Variants in NRXN3 observed in about 807,000 individuals in gnomAD.
The protein encoded by NRXN3 is neurexin III.
NRXN3 carries 32 observed loss-of-function variants against 137.6 expected under a neutral mutation model. The observed-to-expected ratio is 0.23, with a 90% CI of 0.18 to 0.31. The LOEUF (loss-of-function observed/expected upper bound fraction) is 0.31, where lower values mean the gene tolerates loss of function less well. Ranked by LOEUF, NRXN3 falls within the 10% of genes least tolerant of loss-of-function variation. The pLI, the probability that NRXN3 is intolerant of heterozygous loss-of-function variation, is 1.00. For synonymous variants in NRXN3, 798 were observed against 784.5 expected (o/e 1.02, Z -0.29); for missense variants, 1,574 against 2,062.5 (o/e 0.76, Z 4.59).
Position 78,968,325 on chromosome 14 carries a change from C to T in NRXN3, c.3121C>T (p.Gln1041Ter). Residue 1041 changes from glutamine to a stop codon, truncating the protein, a stop_gained, in exon 14 of 21, where the codon CAG becomes TAG. Transcript: ENST00000335750. LOFTEE classifies it high-confidence loss of function. The stretch of plus-strand genomic sequence containing the variant: ...CAATGATGCTCTTCATCGGAGCGGA[C>T]AGATCGAGCGTGGCTGTGAAGGTAC... ...LINDALHRSG[Q>*]IERGCEGPST... is the part of the protein sequence containing the mutation. 1 of 1,613,922 alleles carries T rather than the reference C, an allele frequency of 6.2e-7. No homozygotes were observed.
intron 4 of NRXN3, among the ~76,000 whole-genome samples, chr14:78,455,641 A>G (rs2094678478): frequency 6.6e-6 from 1 of 152,104 alleles, no homozygotes; most frequent in Non-Finnish European, 1.5e-5. Flanking sequence ...GCACCTTTAG[A>G]ACGTTTTTAT....
chr14:78,720,814 A>G (rs1452669118), intron 8 of NRXN3, among the ~76,000 whole-genome samples: 2 of 152,242 alleles, frequency 1.3e-5, no homozygotes, highest in Non-Finnish European at 2.9e-5. Flanking sequence ...TATCTTAAAT[A>G]GCTTTAGTTT....
chr14:78,560,272 T>C (rs1469544739), intron 4 of NRXN3, among the ~76,000 whole-genome samples: 1 of 152,166 alleles, frequency 6.6e-6, no homozygotes, highest in African/African-American at 2.4e-5. Flanking sequence ...ACATACTGGA[T>C]TTTTCCCCCT....
chr14:79,100,647 A>G (rs2051109855), intron 15 of NRXN3, among the ~76,000 whole-genome samples: 2 of 152,130 alleles, frequency 1.3e-5, no homozygotes, highest in Middle Eastern at 3.2e-3. Flanking sequence ...CAGAGCTGCT[A>G]ATCTGTAGGT....
At chr14:78,256,159 C>T (rs1025609888) in intron 2 of NRXN3, among the ~76,000 whole-genome samples, 2 of 152,052 alleles carry the variant, frequency 1.3e-5, no homozygotes, top group Non-Finnish European at 2.9e-5. Flanking sequence ...CATGTCAATG[C>T]AGTGGAATGG....
In NRXN3 at chr14:79,740,854, G is replaced by T. The variant is rs943245542; in HGVS notation, c.4014+42917G>T. Among the ~76,000 whole-genome samples the T allele has an allele frequency of 1.6e-4, 24 of 148,686 alleles. 1 individual carries two copies. Among genetic ancestry groups the T allele is most frequent in the Admixed American group, 2.7e-4 (4 of 14,792 alleles). On this transcript the variant is annotated intron_variant, in intron 19 of 20. Transcript: ENST00000335750. ...ACACTAGATTGCAAATTTCTACAGG[G>T]TGAAGCTTATGTTTTCATCCCTTAA...
chr14:78,918,167 C>T (rs2099261099), intron 10 of NRXN3, among the ~76,000 whole-genome samples: 1 of 150,900 alleles, frequency 6.6e-6, no homozygotes, highest in African/African-American at 2.4e-5. Flanking sequence ...TGCCCGTAAT[C>T]CCAGCTATTC....
At chr14:78,610,384 C>T (rs957745575) in intron 4 of NRXN3, among the ~76,000 whole-genome samples, 3 of 152,222 alleles carry the variant, frequency 2.0e-5, no homozygotes, top group African/African-American at 7.2e-5. Flanking sequence ...CAACCAGGCT[C>T]CTGCTCTTCC....
chr14:79,473,726 C>T (rs150964940), intron 16 of NRXN3, among the ~76,000 whole-genome samples: 7 of 148,574 alleles, frequency 4.7e-5, no homozygotes, highest in East Asian at 1.9e-4. Context: ...AGGTTGACTC[C>T]GTATTTCCTT....
At chr14:78,976,136 C>A (rs2099465082) in intron 14 of NRXN3, among the ~76,000 whole-genome samples, 1 of 152,064 alleles carries the variant, frequency 6.6e-6, no homozygotes, top group Non-Finnish European at 1.5e-5. Context: ...AGCTGCAGAA[C>A]TATAAAAGAA....
intron 17 of NRXN3, among the ~76,000 whole-genome samples, chr14:79,683,466 G>A (rs1018185633): frequency 2.6e-5 from 4 of 152,172 alleles, no homozygotes; most frequent in Non-Finnish European, 5.9e-5. Context: ...GCAGTATACT[G>A]TAATGTACAG....
At chr14:79,120,218 A>C (rs1030843409) in intron 15 of NRXN3, among the ~76,000 whole-genome samples, 1 of 152,188 alleles carries the variant, frequency 6.6e-6, no homozygotes, top group African/African-American at 2.4e-5. Context: ...TTTGCAATAA[A>C]AAAAAATTTA....
chr14:78,286,774 T>G (rs2075232140), intron 3 of NRXN3, among the ~76,000 whole-genome samples: 1 of 152,240 alleles, frequency 6.6e-6, no homozygotes, highest in Non-Finnish European at 1.5e-5. Context: ...TACATGCTTT[T>G]GAGCCCTTCC....
chr14:78,740,668 G>C (rs938797442), intron 8 of NRXN3, among the ~76,000 whole-genome samples: 1 of 151,532 alleles, frequency 6.6e-6, no homozygotes, highest in African/African-American at 2.4e-5. Context: ...TGGATAATGA[G>C]GACCAAAGAA....
intron 17 of NRXN3, among the ~76,000 whole-genome samples, chr14:79,686,416 C>T (rs1164193958): frequency 2.0e-5 from 3 of 152,088 alleles, no homozygotes; most frequent in Non-Finnish European, 1.5e-5. Context: ...AGGCTCCTTA[C>T]TGGGAGAAAG....
At chr14:79,830,301 A>G (rs957385722) in intron 20 of NRXN3, among the ~76,000 whole-genome samples, 13 of 152,210 alleles carry the variant, frequency 8.5e-5, no homozygotes, top group African/African-American at 2.9e-4. Context: ...TGCTTTGTAC[A>G]TATGTAGGAT....
intron 17 of NRXN3, among the ~76,000 whole-genome samples, chr14:79,684,591 G>T (rs1173585834): frequency 6.6e-6 from 1 of 152,156 alleles, no homozygotes; most frequent in East Asian, 1.9e-4. Flanking sequence ...ATAATAGCAT[G>T]ACTTTCCTGT....
chr14:78,678,967 T>A (rs184985833), intron 6 of NRXN3, among the ~76,000 whole-genome samples: 1 of 152,268 alleles, frequency 6.6e-6, no homozygotes, highest in East Asian at 1.9e-4. Context: ...TGGCCTCAAT[T>A]GCTCACATGT....
Position 78,658,696 on chromosome 14 carries a change from C to T in NRXN3, c.1221+7370C>T, listed in dbSNP as rs116846805. 6.2e-3 allele frequency among the ~76,000 whole-genome samples: 938 copies of T among 152,278 alleles called. 7 individuals carry two copies. The highest frequency in any genetic ancestry group is 0.01 in the Non-Finnish European group (684 of 68,016). Reference sequence around the variant, plus strand: ...AAATGCACACTACTGTAGAGACCTTCTTGTAAATGTAGCATAGAACACACA... The same window carrying T: ...AAATGCACACTACTGTAGAGACCTTTTTGTAAATGTAGCATAGAACACACA... On this transcript the variant is annotated intron_variant, in intron 6 of 20. Transcript: ENST00000335750.
Sources: allele counts gnomAD v4.1 joint callset (sites outside exome capture counted in the v4.1 genomes callset), GRCh38; gene constraint gnomAD v4.1.1; transcripts MANE v1.5; gene names NCBI Gene and HGNC (gene_info 2026-07-23, HGNC 2026-07-21).